Variants in DENND1A observed in about 807,000 individuals in gnomAD.
DENND1A encodes the protein DENN domain containing 1A, also known as DENN domain-containing protein 1A.
In DENND1A, 51 loss-of-function variants were observed where a neutral mutation model predicts 113.7. The observed-to-expected ratio is 0.45, with a 90% CI of 0.36 to 0.57. The LOEUF (loss-of-function observed/expected upper bound fraction) is 0.57. DENND1A is among the 20% of genes least tolerant of loss of function. DENND1A has a pLI of 0.00. For missense variants in DENND1A, 1,258 were observed against 1,395.9 expected (o/e 0.90, Z 1.57); for synonymous variants, 565 against 570.8 (o/e 0.99, Z 0.14).
chr9:123,585,725 G>T (rs535666733), intron 11 of DENND1A, among the ~76,000 whole-genome samples: 6 of 152,172 alleles, frequency 3.9e-5, no homozygotes, highest in Admixed American at 1.3e-4. Flanking sequence ...TGGGGCTGGA[G>T]GTGAGATACC....
chr9:123,510,937 T>C (rs985439409), intron 13 of DENND1A, among the ~76,000 whole-genome samples: 1 of 152,204 alleles, frequency 6.6e-6, no homozygotes, highest in Non-Finnish European at 1.5e-5. Flanking sequence ...TAGGGGAGAC[T>C]CGAGCATGGA....
intron 1 of DENND1A, among the ~76,000 whole-genome samples, chr9:123,918,214 C>G (rs543586527): frequency 4.0e-5 from 6 of 149,644 alleles, no homozygotes; most frequent in Non-Finnish European, 7.4e-5. Context: ...ACAGGCCGGG[C>G]GTGGTGGCTC....
At chr9:123,677,172 C>A (rs753487150) in intron 5 of DENND1A, among the ~76,000 whole-genome samples, 2 of 150,626 alleles carry the variant, frequency 1.3e-5, no homozygotes, top group Non-Finnish European at 2.9e-5. Context: ...CAGACACAGA[C>A]ACACACACTG....
rs752653693 is a variant in DENND1A at position 123,516,101 on chromosome 9, CACACAT to C, written c.993+41463_993+41468del. ...TTATATATATATAGATATATATACA[CACACAT>C]ACACACACACACACACACACACACA... On this transcript the variant is annotated intron_variant, in intron 13 of 23. Transcript: ENST00000394215. 7.6e-3 allele frequency among the ~76,000 whole-genome samples: 342 copies of C among 45,038 alleles called. 1 individual carries two copies. The highest frequency in any genetic ancestry group is 0.046 in the South Asian group (45 of 988). 29.5% of individuals were successfully genotyped at this position (45,038 alleles called of 152,430 possible).
chr9:123,673,459 C>T (rs1438584719), intron 6 of DENND1A, among the ~76,000 whole-genome samples: 1 of 152,184 alleles, frequency 6.6e-6, no homozygotes, highest in Non-Finnish European at 1.5e-5. Context: ...CAATTCCTTA[C>T]TTTTTGGCAG....
intron 5 of DENND1A, among the ~76,000 whole-genome samples, chr9:123,710,136 A>C (rs1017148833): frequency 6.6e-6 from 1 of 152,242 alleles, no homozygotes; most frequent in African/African-American, 2.4e-5. Flanking sequence ...AAGAACTACG[A>C]AAGCACTTCC....
intron 19 of DENND1A, among the ~76,000 whole-genome samples, chr9:123,426,658 C>T (rs1312756361): frequency 6.6e-6 from 1 of 152,220 alleles, no homozygotes. Flanking sequence ...GGCAATCAGT[C>T]AGCCATTCTG....
chr9:123,395,600 C>T (rs2043085169), intron 21 of DENND1A, among the ~76,000 whole-genome samples: 1 of 152,036 alleles, frequency 6.6e-6, no homozygotes. Context: ...AGGGAGTGGG[C>T]CCTGGCAGCC....
chr9:123,656,248 G>A (rs1360294408), intron 8 of DENND1A, among the ~76,000 whole-genome samples: 3 of 152,154 alleles, frequency 2.0e-5, no homozygotes, highest in African/African-American at 4.8e-5. Flanking sequence ...GAGGCAGGGC[G>A]GGGAGGGAGA....
chr9:123,548,434 T>C (rs1337383161), intron 13 of DENND1A, among the ~76,000 whole-genome samples: 1 of 152,162 alleles, frequency 6.6e-6, no homozygotes, highest in Non-Finnish European at 1.5e-5. Flanking sequence ...TATTCTTGGG[T>C]CCATATTCGT....
chr9:123,709,180 C>G (rs2066423057), intron 5 of DENND1A, among the ~76,000 whole-genome samples: 1 of 152,178 alleles, frequency 6.6e-6, no homozygotes, highest in Non-Finnish European at 1.5e-5. Flanking sequence ...CTAAATGGAG[C>G]AGACAGATCC....
chr9:123,927,978 C>T (rs1564521969), intron 1 of DENND1A, among the ~76,000 whole-genome samples: 1 of 152,226 alleles, frequency 6.6e-6, no homozygotes, highest in Non-Finnish European at 1.5e-5. Flanking sequence ...CTTTTCATAA[C>T]TTCTCTCTTC....
chr9:123,582,946 G>A (rs1475313201), intron 12 of DENND1A, among the ~76,000 whole-genome samples: 2 of 151,694 alleles, frequency 1.3e-5, no homozygotes, highest in East Asian at 1.9e-4. Context: ...TGATCCACCC[G>A]CCTCGGCCTC....
At position 123,395,468 on chromosome 9, in the gene DENND1A, C is replaced by CTCTCTGTGTATGTG. The variant is rs367751848; in HGVS notation, c.1632-7611_1632-7610insCACATACACAGAGA. ...AGGGCCCAGAATCTACTCTCTCTCT[C>CTCTCTGTGTATGTG]TGTGTGTGTGTGTGTGTGTGTGTGT... On this transcript the variant is annotated intron_variant, in intron 21 of 23. Transcript: ENST00000394215. 2.4e-3 allele frequency among the ~76,000 whole-genome samples: 337 copies of CTCTCTGTGTATGTG among 142,984 alleles called. 2 individuals are homozygous for CTCTCTGTGTATGTG. The highest frequency in any genetic ancestry group is 3.5e-3 in the Middle Eastern group (1 of 282). The allele number at this position is 142,984 out of a possible 152,430, so 93.8% of individuals were successfully genotyped here.
Position 123,787,758 on chromosome 9 carries a change from G to A in DENND1A, c.132+4829C>T, listed in dbSNP as rs561744772. On this transcript the variant is annotated intron_variant, in intron 3 of 23. Coordinates refer to ENST00000394215, the MANE Select transcript of DENND1A (RefSeq NM_001352964.2). ...TATAGTGAAATTTTGAAATCACATA[G>A]GCAATATAAAACCTTAAGAGAAAGG... is the stretch of plus-strand genomic sequence containing the variant. 2.6e-5 allele frequency among the ~76,000 whole-genome samples: 4 copies of A among 152,132 alleles called. No homozygotes were observed. In the South Asian group the frequency reaches 8.3e-4, roughly 32 times the overall value.
intron 2 of DENND1A, among the ~76,000 whole-genome samples, chr9:123,809,628 G>T (rs1188890003): frequency 6.6e-6 from 1 of 152,170 alleles, no homozygotes. Context: ...AATTATTAAA[G>T]ATTTTTCAAT....
At chr9:123,611,034 A>G (rs2060394643) in intron 10 of DENND1A, among the ~76,000 whole-genome samples, 1 of 152,262 alleles carries the variant, frequency 6.6e-6, no homozygotes, top group South Asian at 2.1e-4. Context: ...CAGCAGTAAT[A>G]TAATATGTCT....
intron 5 of DENND1A, among the ~76,000 whole-genome samples, chr9:123,687,785 T>C (rs1159880207): frequency 6.6e-6 from 1 of 152,252 alleles, no homozygotes. Flanking sequence ...TGCTTCACTC[T>C]GCCATGGGAT....
chr9:123,845,357 T>C (rs764498862), intron 2 of DENND1A, among the ~76,000 whole-genome samples: 1 of 152,114 alleles, frequency 6.6e-6, no homozygotes, highest in Non-Finnish European at 1.5e-5. Context: ...TAAGCATATA[T>C]AAAAATCAAC....
Sources: allele counts gnomAD v4.1 joint callset (sites outside exome capture counted in the v4.1 genomes callset), GRCh38; gene constraint gnomAD v4.1.1; transcripts MANE v1.5; gene names NCBI Gene and HGNC (gene_info 2026-07-23, HGNC 2026-07-21).